COL6A3: variants seen among roughly 807,000 people sequenced by gnomAD.
The protein encoded by COL6A3 is collagen type VI alpha 3 chain, also known as collagen alpha-3(VI) chain.
Under a neutral mutation model 274.1 loss-of-function variants are expected in COL6A3, and 137 were observed. The observed-to-expected ratio is 0.50, with a 90% CI of 0.44 to 0.58. The LOEUF is 0.58. Among genes scored for constraint, COL6A3 ranks in the 20% least tolerant of loss-of-function variants. The pLI is 0.00. For missense variants in COL6A3, 3,950 were observed against 4,124.9 expected (o/e 0.96, Z 1.16); for synonymous variants, 1,650 against 1,650.6 (o/e 1.00, Z 0.01).
chr2:237,377,362 T>C lies in COL6A3; in HGVS notation c.2498-18A>G. On this transcript the variant is annotated intron_variant, in intron 6 of 43. Transcript: ENST00000295550. The stretch of plus-strand genomic sequence containing the variant: ...CTTGCTCTCTGCAATGAAGGTAGAT[T>C]AGGATACAATGAGGGACGAGAGCAT... 1 of 1,598,794 alleles carries C rather than the reference T, an allele frequency of 6.3e-7. No individual in the cohort carries two copies. The highest frequency in any genetic ancestry group is 8.5e-7 in the Non-Finnish European group (1 of 1,179,204).
In COL6A3 at chr2:237,371,908, G is replaced by A; in HGVS notation, c.4109C>T (p.Ala1370Val). 1 of 1,613,878 alleles carries A rather than the reference G, an allele frequency of 6.2e-7. No individual in the cohort carries two copies. Among genetic ancestry groups the A allele is most frequent in the Non-Finnish European group, 8.5e-7 (1 of 1,180,014 alleles). Reference sequence around the variant, plus strand: ...CAGCTCCTCCTGGTCTGCGTTCCTGGCGATCGTGAAAGGGGCCACGCCAAA... The same window carrying A: ...CAGCTCCTCCTGGTCTGCGTTCCTGACGATCGTGAAAGGGGCCACGCCAAA... ...KQFGVAPFTI[A>V]RNADQEELVK... is the part of the protein sequence containing the mutation. Residue 1370 changes from alanine to valine, a missense_variant, in exon 9 of 44, where the codon GCC becomes GTC. This residue lies in a region of COL6A3 where 1,934 missense variants were observed against 1,984.3 expected (regional missense o/e 0.97). Coordinates refer to ENST00000295550, the MANE Select transcript of COL6A3 (RefSeq NM_004369.4). The surrounding 1 kb of genome is among the most constrained non-coding windows in gnomAD (Gnocchi z 4.3).
intron 42 of COL6A3, 116 bp downstream of exon 42, chr2:237,333,334 C>G (rs1020639787): frequency 2.2e-6 from 2 of 924,262 alleles, no homozygotes; most frequent in Non-Finnish European, 3.5e-6. Context: ...TGACGTGGAC[C>G]TTTTCCCCCA....
intron 3 of COL6A3, among the ~76,000 whole-genome samples, chr2:237,389,864 A>G (rs189901543): frequency 6.6e-6 from 1 of 152,354 alleles, no homozygotes; most frequent in African/African-American, 2.4e-5. Context: ...TTGCCACACA[A>G]AAGTTTTATA....
At chr2:237,408,383 A>T (rs1384628537) in intron 1 of COL6A3, among the ~76,000 whole-genome samples, 1 of 152,116 alleles carries the variant, frequency 6.6e-6, no homozygotes, top group Non-Finnish European at 1.5e-5. Context: ...CTGATGAATG[A>T]TGGGTTTTCT....
chr2:237,355,553 T>G (rs1448822770), intron 23 of COL6A3: 1 of 152,256 alleles, frequency 6.6e-6, no homozygotes, highest in Non-Finnish European at 1.5e-5. Flanking sequence ...AGTAATCCAT[T>G]AATTTCCACC....
chr2:237,348,170 T>A (rs568717060), intron 30 of COL6A3, among the ~76,000 whole-genome samples, 179 bp downstream of exon 30: 35 of 152,350 alleles, frequency 2.3e-4, no homozygotes, highest in African/African-American at 6.7e-4. Flanking sequence ...GTACGTATTA[T>A]GACCTCCACT....
chr2:237,340,311 C>A, intron 38 of COL6A3, 141 bp downstream of exon 38: 2 of 769,342 alleles, frequency 2.6e-6, no homozygotes, highest in East Asian at 2.7e-5. Flanking sequence ...TGGCATATGG[C>A]AGGTGTCAAT....
At chr2:237,334,925 A>G in intron 40 of COL6A3, 36 bp from the exon 41 acceptor site, 1 of 1,613,060 alleles carries the variant, frequency 6.2e-7, no homozygotes, top group Non-Finnish European at 8.5e-7. Context: ...ATAAAAAATA[A>G]AATCCTCCAT....
Position 237,381,574 on chromosome 2 carries a change from A to C in COL6A3, c.1313-75T>G. The stretch of plus-strand genomic sequence containing the variant: ...ATCAACAATGACTTTCAACAAAGCT[A>C]ACTCCATTTAAAGGACACCCTCATT... On this transcript the variant is annotated intron_variant, in intron 4 of 43. Transcript: ENST00000295550. The C allele has an allele frequency of 2.4e-6, 3 of 1,233,408 alleles. No homozygotes were observed. In the South Asian group the frequency reaches 3.8e-5, roughly 16 times the overall value. 76.4% of individuals were successfully genotyped at this position (1,233,408 alleles called of 1,614,324 possible).
chr2:237,344,071 G>C lies in COL6A3; in HGVS notation c.7668+279C>G. The stretch of plus-strand genomic sequence containing the variant: ...AGTCACACCACCTTGTTAGTAGATA[G>C]AGAGTGTCACCAACACTAGCATCAC... On this transcript the variant is annotated intron_variant, in intron 36 of 43. Transcript: ENST00000295550. This position sits in a 1 kb window ranked among gnomAD's most constrained non-coding sequence, Gnocchi z 4.8. 2 of 523,536 alleles carry C rather than the reference G, an allele frequency of 3.8e-6. No homozygotes were observed. Among genetic ancestry groups the C allele is most frequent in the East Asian group, 3.6e-5 (1 of 28,034 alleles). 32.4% of individuals were successfully genotyped at this position (523,536 alleles called of 1,614,324 possible).
In COL6A3 at chr2:237,374,631, C is replaced by A; in HGVS notation, c.3460G>T (p.Val1154Phe). Residue 1154 changes from valine to phenylalanine, a missense_variant, in exon 8 of 44, where the codon GTC becomes TTC. Val to Phe is a conservative substitution (Grantham distance 50). Coordinates refer to ENST00000295550, the MANE Select transcript of COL6A3 (RefSeq NM_004369.4). This position sits in a 1 kb window ranked among gnomAD's most constrained non-coding sequence, Gnocchi z 4.8. ...SGDDVRNPSVVVKRGGAVPIG... is the reference protein window; with the variant it reads ...SGDDVRNPSVFVKRGGAVPIG... ...GGCACAGCCCCACCCCTCTTCACGA[C>A]CACGGAGGGGTTCCGCACATCATCC... The A allele has an allele frequency of 1.9e-6, 3 of 1,614,206 alleles. No individual in the cohort carries two copies. Among genetic ancestry groups the A allele is most frequent in the South Asian group, 2.2e-5 (2 of 91,092 alleles).
At chr2:237,389,917 T>C (rs1456394752) in intron 3 of COL6A3, among the ~76,000 whole-genome samples, 1 of 152,204 alleles carries the variant, frequency 6.6e-6, no homozygotes, top group Non-Finnish European at 1.5e-5. Flanking sequence ...TTTGCCACTG[T>C]TCAGCCAAAA....
In COL6A3 at chr2:237,364,423, G is replaced by A. The variant is rs2106347308; in HGVS notation, c.5844C>T (p.Val1948=). 2 of 1,612,918 alleles carry A rather than the reference G, an allele frequency of 1.2e-6. No individual in the cohort carries two copies. ...RQSSPDSVKV[V]IHFTDGADGD... ...CGTCTGCTCCATCAGTAAAATGAAT[G>A]ACCACCTGCAGATAAGAGAGCTGTC... The change falls in exon 13 of 44, where the codon GTC becomes GTT. Residue 1948 remains valine (V), a synonymous_variant. Transcript: ENST00000295550. This position sits in a 1 kb window ranked among gnomAD's most constrained non-coding sequence, Gnocchi z 4.6.
At chr2:237,410,292 T>C (rs2078823330) in intron 1 of COL6A3, among the ~76,000 whole-genome samples, 1 of 148,500 alleles carries the variant, frequency 6.7e-6, no homozygotes, top group Non-Finnish European at 1.5e-5. Flanking sequence ...TAACTCAAAA[T>C]TTCTTTTCTT....
rs1045462053 is a variant in COL6A3, at chr2:237,381,444, C to T, written c.1368G>A (p.Leu456=). ...IVFLVDGSSA[L]GLANFNAIRD... is the part of the protein sequence containing the mutation. Reference sequence around the variant, plus strand: ...GGATGGCATTGAAGTTGGCCAGTCCCAGTGCAGATGAGCCATCCACCAGGA... The same window carrying T: ...GGATGGCATTGAAGTTGGCCAGTCCTAGTGCAGATGAGCCATCCACCAGGA... The change falls in exon 5 of 44, where the codon CTG becomes CTA. Residue 456 remains leucine (L), a synonymous_variant. Transcript: ENST00000295550. 3 of 1,610,418 alleles carry T rather than the reference C, an allele frequency of 1.9e-6. No individual in the cohort carries two copies. The highest frequency in any genetic ancestry group is 2.5e-6 in the Non-Finnish European group (3 of 1,180,016).
intron 27 of COL6A3, 49 bp downstream of exon 27, chr2:237,351,081 C>A (rs1469762214): frequency 5.1e-6 from 8 of 1,575,522 alleles, no homozygotes; most frequent in Non-Finnish European, 7.0e-6. Flanking sequence ...GGCATGTGTG[C>A]CTGGCTGGTC....
Position 237,351,738 on chromosome 2 carries a change from A to G in COL6A3, c.6754-546T>C, listed in dbSNP as rs140477932. Among the ~76,000 whole-genome samples the G allele has an allele frequency of 8.6e-4, 131 of 152,362 alleles. No individual in the cohort carries two copies. In the East Asian group the frequency reaches 0.021, roughly 24 times the overall value. On this transcript the variant is annotated intron_variant, in intron 26 of 43. Coordinates refer to ENST00000295550, the MANE Select transcript of COL6A3 (RefSeq NM_004369.4). ...ATTTGAATAGCTTTGCATCTATACC[A>G]TCTTAAATTGTTGATTAATTACAAG...
intron 1 of COL6A3, among the ~76,000 whole-genome samples, chr2:237,398,980 A>T (rs1025318805): frequency 6.6e-6 from 1 of 152,216 alleles, no homozygotes; most frequent in African/African-American, 2.4e-5. Context: ...TCTTTACATT[A>T]TCCTTAGAGG....
Position 237,350,186 on chromosome 2 carries a change from T to G in COL6A3, c.6840A>C (p.Pro2280=), listed in dbSNP as rs149069735. The change falls in exon 28 of 44, where the codon CCA becomes CCC. Residue 2280 remains proline, a synonymous_variant. Transcript: ENST00000295550. Reference sequence around the variant, plus strand: ...GGCCCCGGTTCCCGATTCCTCCTTTTGGTCCTGGCTCTCCGGGCTCACCCT... The same window carrying G: ...GGCCCCGGTTCCCGATTCCTCCTTTGGGTCCTGGCTCTCCGGGCTCACCCT... ...GRKGEPGEPG[P]KGGIGNRGPR... 1 of 1,614,152 alleles carries G rather than the reference T, an allele frequency of 6.2e-7. No individual in the cohort carries two copies. Among genetic ancestry groups the G allele is most frequent in the South Asian group, 1.1e-5 (1 of 91,082 alleles).
Sources: allele counts gnomAD v4.1 joint callset (sites outside exome capture counted in the v4.1 genomes callset), GRCh38; gene constraint gnomAD v4.1.1; regional missense constraint gnomAD v4.1.1; non-coding constraint Gnocchi (gnomAD v3.1); transcripts MANE v1.5; gene names NCBI Gene and HGNC (gene_info 2026-07-23, HGNC 2026-07-21).